The following GRK7 variants were observed in gnomAD, a reference collection of about 807,000 sequenced individuals.
GRK7 encodes G protein-coupled receptor kinase 7, also known as rhodopsin kinase GRK7.
In GRK7, 24 loss-of-function variants were observed where a neutral mutation model predicts 34.1. The ratio of observed to expected loss-of-function variants is 0.70; its 90% CI spans 0.51 to 0.99. The LOEUF (loss-of-function observed/expected upper bound fraction) is 0.99. GRK7 is among the 50% of genes least tolerant of loss of function. The pLI, the probability that GRK7 is intolerant of heterozygous loss-of-function variation, is 0.00. For missense variants in GRK7, 644 were observed against 707.3 expected (o/e 0.91, Z 1.02); for synonymous variants, 256 against 279.4 (o/e 0.92, Z 0.84).
In GRK7 at chr3:141,803,268, A is replaced by C. The variant is rs1389675407; in HGVS notation, c.1051-4377A>C. Among the ~76,000 whole-genome samples, 6 of 31,782 alleles carry C rather than the reference A, an allele frequency of 1.9e-4. No individual in the cohort carries two copies. The Admixed American group carries it at 2.2e-3, about 12-fold the overall frequency. The allele number at this position is 31,782 out of a possible 152,430, so 20.9% of individuals were successfully genotyped here. Reference sequence around the variant, plus strand: ...ATGGTGAAACCCTGTCTCTACTGAAAAAAAAAAAAAAAAAAAAGCCAGGCG... The same window carrying C: ...ATGGTGAAACCCTGTCTCTACTGAACAAAAAAAAAAAAAAAAAGCCAGGCG... On this transcript the variant is annotated intron_variant, in intron 4 of 5. Coordinates refer to ENST00000682958, the MANE Select transcript of GRK7 (RefSeq NM_139209.3).
At chr3:141,813,286 T>C (rs1282925394) in intron 5 of GRK7, among the ~76,000 whole-genome samples, 1 of 152,124 alleles carries the variant, frequency 6.6e-6, no homozygotes, top group Non-Finnish European at 1.5e-5. Context: ...CCACCACGCC[T>C]GACTAATTTT....
rs182267421 is a variant in GRK7, at chr3:141,814,948, G to A, written c.1326-1766G>A. ...TTTTTTTTTTTTTTTTTTTAGAGAC[G>A]GAGTCTCTCTCTGTCACCCAGGCTG... On this transcript the variant is annotated intron_variant, in intron 5 of 5. Coordinates refer to ENST00000682958, the MANE Select transcript of GRK7 (RefSeq NM_139209.3). Among the ~76,000 whole-genome samples the A allele has an allele frequency of 1.5e-3, 207 of 137,156 alleles. 3 individuals carry two copies. Among genetic ancestry groups the A allele is most frequent in the Non-Finnish European group, 1.1e-3 (68 of 64,312 alleles). The allele number at this position is 137,156 out of a possible 152,430, so 90.0% of individuals were successfully genotyped here. A position where few individuals can be genotyped will look rare whatever the true frequency, so the allele number is the denominator to read the frequency against.
At chr3:141,773,251 C>A (rs2084624453) in intron 1 of GRK7, among the ~76,000 whole-genome samples, 1 of 151,444 alleles carries the variant, frequency 6.6e-6, no homozygotes, top group African/African-American at 2.4e-5. Flanking sequence ...TGTTGAGTTA[C>A]AATAGTGTGT....
At chr3:141,762,978 C>G (rs889077333), upstream of GRK7, among the ~76,000 whole-genome samples, 3 of 152,256 alleles carry the variant, frequency 2.0e-5, no homozygotes, top group Non-Finnish European at 2.9e-5. Flanking sequence ...CCTCGCCCTG[C>G]TTCGGCTCGC....
At chr3:141,756,904 C>T in the GRK7 span, among the ~76,000 whole-genome samples, 1 of 152,068 alleles carries the variant, frequency 6.6e-6, no homozygotes. Context: ...GCCACACTTT[C>T]AAGAAGTTTC....
chr3:141,754,412 A>G, the GRK7 span, among the ~76,000 whole-genome samples: 1 of 150,066 alleles, frequency 6.7e-6, no homozygotes, highest in African/African-American at 2.5e-5. Context: ...TACTCGGTGA[A>G]GGGCTCCCCT....
At chr3:141,794,058 G>A (rs1283239393) in intron 4 of GRK7, among the ~76,000 whole-genome samples, 4 of 152,082 alleles carry the variant, frequency 2.6e-5, no homozygotes, top group Non-Finnish European at 5.9e-5. Flanking sequence ...AGTGGCAATA[G>A]TCACTGGGTG....
chr3:141,752,942 A>C, the GRK7 span, among the ~76,000 whole-genome samples: 4 of 152,340 alleles, frequency 2.6e-5, no homozygotes, highest in East Asian at 5.8e-4. Context: ...AGCACTCCCC[A>C]GCCATCAACC....
chr3:141,810,630 C>T (rs941109853), intron 5 of GRK7, among the ~76,000 whole-genome samples: 4 of 152,104 alleles, frequency 2.6e-5, no homozygotes, highest in African/African-American at 9.7e-5. Flanking sequence ...AATTCTTCTG[C>T]CTTGGCCTCC....
At chr3:141,771,809 C>A (rs949955965) in intron 1 of GRK7, among the ~76,000 whole-genome samples, 1 of 152,002 alleles carries the variant, frequency 6.6e-6, no homozygotes, top group African/African-American at 2.4e-5. Flanking sequence ...CTCAGCCTCC[C>A]AAGTAGCTGG....
chr3:141,766,370 A>G (rs1325364326), intron 1 of GRK7, among the ~76,000 whole-genome samples: 3 of 152,108 alleles, frequency 2.0e-5, no homozygotes, highest in Admixed American at 6.6e-5. Flanking sequence ...TCACCGTGTT[A>G]GCCAGGATGG....
At chr3:141,779,520 T>C (rs2084660749) in intron 3 of GRK7, among the ~76,000 whole-genome samples, 1 of 152,120 alleles carries the variant, frequency 6.6e-6, no homozygotes. Context: ...TTTTAAGTAA[T>C]AAAAAATATT....
At position 141,785,490 on chromosome 3, in the gene GRK7, C is replaced by T. The variant is rs906425843; in HGVS notation, c.1050+4679C>T. 2.6e-5 allele frequency among the ~76,000 whole-genome samples: 4 copies of T among 152,102 alleles called. No homozygotes were observed. The East Asian group carries it at 7.7e-4, about 29-fold the overall frequency. On this transcript the variant is annotated intron_variant, in intron 4 of 5. Transcript: ENST00000682958. ...TTTTTTTGTTTTGTTTTAGGCTGGC[C>T]GTGGTGGCTCACACCTGTAATCCCA...
At chr3:141,774,778 AG>A (rs2084631324) in intron 2 of GRK7, among the ~76,000 whole-genome samples, 98 bp downstream of exon 2, 3 of 94,302 alleles carry the variant, frequency 3.2e-5, no homozygotes, top group Non-Finnish European at 4.1e-5. Context: ...GTCACCAGTC[AG>A]ATTATTATTA....
intron 4 of GRK7, among the ~76,000 whole-genome samples, chr3:141,803,661 C>T (rs1039879962): frequency 2.0e-5 from 3 of 152,188 alleles, no homozygotes; most frequent in African/African-American, 7.2e-5. Flanking sequence ...TGACTAGCTT[C>T]TTCCATTTAG....
intron 4 of GRK7, among the ~76,000 whole-genome samples, chr3:141,799,293 T>C (rs1337067438): frequency 6.6e-6 from 1 of 152,186 alleles, no homozygotes; most frequent in Non-Finnish European, 1.5e-5. Context: ...CCTACTTCTA[T>C]AGAGGCGGAA....
At chr3:141,786,516 G>A (rs1277835396) in intron 4 of GRK7, among the ~76,000 whole-genome samples, 3 of 152,094 alleles carry the variant, frequency 2.0e-5, no homozygotes, top group Admixed American at 6.6e-5. Flanking sequence ...TGTGGCTCAC[G>A]CCTGTAATCC....
intron 1 of GRK7, among the ~76,000 whole-genome samples, chr3:141,772,691 A>G (rs1452245980): frequency 6.6e-6 from 1 of 152,226 alleles, no homozygotes; most frequent in South Asian, 2.1e-4. Context: ...TAAATGATGC[A>G]AAGGGTAATG....
chr3:141,816,371 C>G (rs921376504), intron 5 of GRK7, among the ~76,000 whole-genome samples: 2 of 152,082 alleles, frequency 1.3e-5, no homozygotes, highest in African/African-American at 2.4e-5. Flanking sequence ...CCTGAAGAGG[C>G]AATGACTGGA....
Sources: allele counts gnomAD v4.1 joint callset (sites outside exome capture counted in the v4.1 genomes callset), GRCh38; gene constraint gnomAD v4.1.1; transcripts MANE v1.5; gene names NCBI Gene and HGNC (gene_info 2026-07-23, HGNC 2026-07-21).